Variants in MTPAP observed in about 807,000 individuals in gnomAD.
The protein encoded by MTPAP is mitochondrial poly(A) polymerase, also known as poly(A) RNA polymerase, mitochondrial.
MTPAP carries 23 observed loss-of-function variants against 48.7 expected under a neutral mutation model. That is an observed-to-expected ratio of 0.47 (90% CI 0.34 to 0.67). The LOEUF is 0.67. Ranked by LOEUF, MTPAP falls within the 30% of genes least tolerant of loss-of-function variation. The pLI is 0.01. For synonymous variants in MTPAP, 257 were observed against 254.1 expected, an observed-to-expected ratio of 1.01 and a Z score of -0.11; for missense variants, 614 against 694.3, an observed-to-expected ratio of 0.88 and a Z score of 1.30.
chr10:30,315,013 TA>T (rs1446615364), intron 8 of MTPAP, among the ~76,000 whole-genome samples: 1 of 152,118 alleles, frequency 6.6e-6, no homozygotes, highest in Non-Finnish European at 1.5e-5. Flanking sequence ...TTTACTTAAT[TA>T]ACTATTACAA....
chr10:30,335,161 A>G (rs914071112), intron 4 of MTPAP, among the ~76,000 whole-genome samples: 16 of 152,234 alleles, frequency 1.1e-4, no homozygotes, highest in African/African-American at 3.4e-4. Flanking sequence ...GTAAGGAAAG[A>G]TACAGCCATA....
chr10:30,317,915 C>A (rs1408899047), intron 6 of MTPAP, among the ~76,000 whole-genome samples: 1 of 151,934 alleles, frequency 6.6e-6, no homozygotes, highest in Non-Finnish European at 1.5e-5. Context: ...AGTGCAGTGG[C>A]GGCGTGACCT....
intron 4 of MTPAP, among the ~76,000 whole-genome samples, chr10:30,330,672 G>T (rs1168345604): frequency 6.6e-6 from 1 of 152,178 alleles, no homozygotes; most frequent in Non-Finnish European, 1.5e-5. Flanking sequence ...CATATGTTCT[G>T]TATCACCTTT....
chr10:30,329,196 C>T lies in MTPAP; in HGVS notation c.781-2561G>A, dbSNP rs545439721. ...CCAGGAGGCCAAGGTTGCAGTGAGC[C>T]GAGATTGTGCCCCTGCACTCCAGCC... On this transcript the variant is annotated intron_variant, in intron 4 of 8. Coordinates refer to ENST00000263063, the MANE Select transcript of MTPAP (RefSeq NM_018109.4). Among the ~76,000 whole-genome samples the T allele has an allele frequency of 5.3e-5, 8 of 151,740 alleles. No homozygotes were observed. The South Asian group carries it at 1.0e-3, about 20-fold the overall frequency.
intron 6 of MTPAP, among the ~76,000 whole-genome samples, chr10:30,316,797 C>G (rs141183190): frequency 0.015 from 2,300 of 151,774 alleles, 51 homozygotes; most frequent in African/African-American, 0.051. Flanking sequence ...GGCTGAGGCA[C>G]GAGAATCGCT....
chr10:30,318,393 C>G (rs1160120738), intron 6 of MTPAP, among the ~76,000 whole-genome samples: 1 of 152,096 alleles, frequency 6.6e-6, no homozygotes, highest in Admixed American at 6.6e-5. Context: ...ATATATATTT[C>G]TACTTAGATC....
At chr10:30,321,426 C>T (rs921883370) in intron 6 of MTPAP, among the ~76,000 whole-genome samples, 4 of 152,026 alleles carry the variant, frequency 2.6e-5, no homozygotes, top group African/African-American at 4.8e-5. Context: ...AGGAAGAGAT[C>T]ACTTCTAATA....
At chr10:30,328,411 G>A (rs1297546601) in intron 4 of MTPAP, among the ~76,000 whole-genome samples, 1 of 152,168 alleles carries the variant, frequency 6.6e-6, no homozygotes. Flanking sequence ...ACTTGTATAC[G>A]TTGGCTAACT....
At chr10:30,345,728 T>C (rs2132872562) in intron 1 of MTPAP, among the ~76,000 whole-genome samples, 1 of 152,202 alleles carries the variant, frequency 6.6e-6, no homozygotes, top group South Asian at 2.1e-4. Context: ...TAATACAATA[T>C]GGTAAGCACA....
chr10:30,318,801 C>CGA (rs1840689825), intron 6 of MTPAP, among the ~76,000 whole-genome samples: 1 of 152,050 alleles, frequency 6.6e-6, no homozygotes, highest in African/African-American at 2.4e-5. Flanking sequence ...AATACTATTC[C>CGA]GAGAACAGAA....
rs1253790769 is a variant in MTPAP at position 30,340,346 on chromosome 10, T to A, written c.435A>T (p.Arg145Ser). The A allele has an allele frequency of 6.2e-7, 1 of 1,614,206 alleles. No homozygotes were observed. Among genetic ancestry groups the A allele is most frequent in the East Asian group, 2.2e-5 (1 of 44,886 alleles). The change falls in exon 3 of 9, where the codon AGA (arginine) becomes AGT (serine). Residue 145 changes from arginine to serine, a missense_variant. Physicochemically the swap from Arg to Ser is moderately radical, Grantham distance 110. Around this residue, in one of 5 missense-constraint regions of MTPAP, gnomAD observed 114 missense variants for 107.9 expected, o/e 1.06. Coordinates refer to ENST00000263063, the MANE Select transcript of MTPAP (RefSeq NM_018109.4). ...STAMETAIPF[R>S]SRFFNLKLKN... is the part of the protein sequence containing the mutation. Reference sequence around the variant, plus strand: ...TCAACTTCAGATTGAAGAAACGTGATCTGAATGGAATTGCAGTCTCCATGG... The same window carrying A: ...TCAACTTCAGATTGAAGAAACGTGAACTGAATGGAATTGCAGTCTCCATGG...
At chr10:30,316,557 C>T (rs1840664686) in intron 6 of MTPAP, among the ~76,000 whole-genome samples, 1 of 149,366 alleles carries the variant, frequency 6.7e-6, no homozygotes, top group African/African-American at 2.4e-5. Context: ...TCACATATTT[C>T]AAAGATATTC....
chr10:30,333,575 G>C (rs1245936013), intron 4 of MTPAP, among the ~76,000 whole-genome samples: 4 of 152,116 alleles, frequency 2.6e-5, no homozygotes, highest in Non-Finnish European at 5.9e-5. Context: ...CCACTGCCAG[G>C]AACTTAATAT....
At chr10:30,315,233 T>C (rs543811168) in intron 8 of MTPAP, among the ~76,000 whole-genome samples, 39 of 152,102 alleles carry the variant, frequency 2.6e-4, no homozygotes, top group African/African-American at 8.0e-4. Flanking sequence ...AAAGAGTCCA[T>C]GAGCAGGTAA....
intron 6 of MTPAP, among the ~76,000 whole-genome samples, chr10:30,318,770 G>A (rs1352680897): frequency 6.6e-6 from 1 of 152,168 alleles, no homozygotes; most frequent in Non-Finnish European, 1.5e-5. Context: ...AATCTACATA[G>A]TGAACTCCTA....
At chr10:30,331,712 A>G (rs1588717345) in intron 4 of MTPAP, among the ~76,000 whole-genome samples, 1 of 152,048 alleles carries the variant, frequency 6.6e-6, no homozygotes, top group Admixed American at 6.6e-5. Flanking sequence ...GATTACAGGC[A>G]CCCGCCATCA....
chr10:30,315,112 C>T (rs1416650477), intron 8 of MTPAP, among the ~76,000 whole-genome samples: 1 of 152,032 alleles, frequency 6.6e-6, no homozygotes, highest in African/African-American at 2.4e-5. Context: ...CTTTGGAGTA[C>T]AAAAAAGGTG....
At chr10:30,348,857 C>T in intron 1 of MTPAP, 1 of 528,522 alleles carries the variant, frequency 1.9e-6, no homozygotes, top group Non-Finnish European at 3.4e-6. Context: ...GGTTCCTGAC[C>T]TGAATTTCAT....
At chr10:30,317,008 T>C (rs1840671179) in intron 6 of MTPAP, among the ~76,000 whole-genome samples, 1 of 152,242 alleles carries the variant, frequency 6.6e-6, no homozygotes, top group Admixed American at 6.5e-5. Context: ...CGATTTAATC[T>C]ATAATTTCTT....
Sources: allele counts gnomAD v4.1 joint callset (sites outside exome capture counted in the v4.1 genomes callset), GRCh38; gene constraint gnomAD v4.1.1; regional missense constraint gnomAD v4.1.1; transcripts MANE v1.5; gene names NCBI Gene and HGNC (gene_info 2026-07-23, HGNC 2026-07-21).